The following ZFAND5 variants were observed in gnomAD, a reference collection of about 807,000 sequenced individuals.
The protein encoded by ZFAND5 is AN1-type zinc finger protein 5.
ZFAND5 carries 4 observed loss-of-function variants against 23.6 expected under a neutral mutation model. That is an observed-to-expected ratio of 0.17 (90% CI 0.08 to 0.39). The LOEUF is 0.39. Ranked by LOEUF, ZFAND5 falls within the 10% of genes least tolerant of loss-of-function variation. ZFAND5 has a pLI of 1.00. For synonymous variants in ZFAND5, 68 were observed against 80.6 expected (o/e 0.84, Z 0.84); for missense variants, 161 against 253.7 (o/e 0.63, Z 2.48).
Position 72,355,756 on chromosome 9 carries a change from C to T in ZFAND5, c.*197G>A, listed in dbSNP as rs868827085. On this transcript the variant is annotated 3_prime_UTR_variant, in exon 7 of 7. Coordinates refer to ENST00000376962, the MANE Select transcript of ZFAND5 (RefSeq NM_001102420.3). ...AATTTTTTTCAGGGGAGGGCATATA[C>T]ATTTGTAGGGCTGTATCTATCCAAT... 2.9e-5 allele frequency: 13 copies of T among 446,724 alleles called. No homozygotes were observed. In the South Asian group the frequency reaches 6.0e-4, roughly 21 times the overall value. 27.7% of individuals were successfully genotyped at this position (446,724 alleles called of 1,614,324 possible). A position where few individuals can be genotyped will look rare whatever the true frequency, so the allele number is the denominator to read the frequency against.
rs1462600937 is a variant in ZFAND5 at position 72,364,650 on chromosome 9, C to T, written c.-147+46G>A. The T allele has an allele frequency of 1.0e-5, 12 of 1,156,276 alleles. No homozygotes were observed. The African/African-American group carries it at 1.7e-4, about 16-fold the overall frequency. 71.6% of individuals were successfully genotyped at this position (1,156,276 alleles called of 1,614,324 possible). On this transcript the variant is annotated intron_variant, in intron 1 of 6. Coordinates refer to ENST00000376962, the MANE Select transcript of ZFAND5 (RefSeq NM_001102420.3). ...GGTCCCTTCACTCCCGCCCCCGGCC[C>T]GGCAACAAGGAGCCCGGCTCCCACC...
intron 6 of ZFAND5, 40 bp from the exon 7 acceptor site, chr9:72,356,141 G>A (rs1841935421): frequency 1.9e-6 from 3 of 1,575,000 alleles, no homozygotes; most frequent in Non-Finnish European, 2.6e-6. Flanking sequence ...AGAACTTGAG[G>A]CAATTAAAAG....
Position 72,353,953 on chromosome 9 carries a change from A to G in ZFAND5, c.*2000T>C, listed in dbSNP as rs985850151. On this transcript the variant is annotated 3_prime_UTR_variant, in exon 7 of 7. Transcript: ENST00000376962. ...GGGTATTTCCACCCCAAACTCCATCACAGAGAAGCAACAGTTGCACTCTGG... is the reference window on the plus strand; with the variant it reads ...GGGTATTTCCACCCCAAACTCCATCGCAGAGAAGCAACAGTTGCACTCTGG... The G allele has an allele frequency of 6.6e-6, 1 of 151,340 alleles. No homozygotes were observed. Among genetic ancestry groups the G allele is most frequent in the Non-Finnish European group, 1.5e-5 (1 of 67,590 alleles). 9.4% of individuals were successfully genotyped at this position (151,340 alleles called of 1,614,324 possible).
rs1342224099 is a variant in ZFAND5 at position 72,352,810 on chromosome 9, AAGTGTTG to A, written c.*3136_*3142del. ...AATACAATGTGCCAGGCACAGTTTT[AAGTGTTG>A]TCACCTTCACACTCCTGAAGGTGGT... On this transcript the variant is annotated 3_prime_UTR_variant, in exon 7 of 7. Transcript: ENST00000376962. 1 of 152,254 alleles carries A rather than the reference AAGTGTTG, an allele frequency of 6.6e-6. No individual in the cohort carries two copies. Among genetic ancestry groups the A allele is most frequent in the African/African-American group, 2.4e-5 (1 of 41,466 alleles). 9.4% of individuals were successfully genotyped at this position (152,254 alleles called of 1,614,324 possible).
At position 72,355,885 on chromosome 9, in the gene ZFAND5, GCT is replaced by G; in HGVS notation, c.*66_*67del. 6.9e-7 allele frequency: 1 copy of G among 1,455,648 alleles called. No individual in the cohort carries two copies. The highest frequency in any genetic ancestry group is 9.3e-7 in the Non-Finnish European group (1 of 1,075,486). 90.2% of individuals were successfully genotyped at this position (1,455,648 alleles called of 1,614,324 possible). On this transcript the variant is annotated 3_prime_UTR_variant, in exon 7 of 7. Coordinates refer to ENST00000376962, the MANE Select transcript of ZFAND5 (RefSeq NM_001102420.3). ...ATCAAAGAAAAATGGCCATGCATCT[GCT>G]CTTTAATGTTTTCCTACGATATATT...
rs945974119 is a variant in ZFAND5 at position 72,364,678 on chromosome 9, C to T, written c.-147+18G>A. ...CAACAAGGAGCCCGGCTCCCACCCG[C>T]AGCCCCGTATCACTCACCCTGCAGG... On this transcript the variant is annotated intron_variant, in intron 1 of 6. Transcript: ENST00000376962. 2 of 1,075,322 alleles carry T rather than the reference C, an allele frequency of 1.9e-6. No individual in the cohort carries two copies. The highest frequency in any genetic ancestry group is 1.8e-5 in the African/African-American group (1 of 56,754). The allele number at this position is 1,075,322 out of a possible 1,614,324, so 66.6% of individuals were successfully genotyped here.
intron 1 of ZFAND5, chr9:72,364,256 A>ACGCGGAT (rs1024922135): frequency 1.1e-4 from 46 of 406,788 alleles, no homozygotes; most frequent in South Asian, 7.4e-4. Context: ...TGCAGGCCCC[A>ACGCGGAT]CGCGGATCCC....
At chr9:72,361,920 A>G (rs1473455701) in intron 2 of ZFAND5, among the ~76,000 whole-genome samples, 3 of 152,232 alleles carry the variant, frequency 2.0e-5, no homozygotes, top group African/African-American at 4.8e-5. Flanking sequence ...ATTTTTTCCA[A>G]CTACATACTA....
rs1000686946 is a variant in ZFAND5 at position 72,354,384 on chromosome 9, T to G, written c.*1569A>C. 1 of 152,612 alleles carries G rather than the reference T, an allele frequency of 6.6e-6. No homozygotes were observed. 9.5% of individuals were successfully genotyped at this position (152,612 alleles called of 1,614,324 possible). ...CAAAGGAAAAAAAATTATATAGCCA[T>G]GTAAAGTAACATTTTCTAATTTTCC... On this transcript the variant is annotated 3_prime_UTR_variant, in exon 7 of 7. Transcript: ENST00000376962.
chr9:72,357,780 T>C (rs1309338048), intron 5 of ZFAND5, among the ~76,000 whole-genome samples: 1 of 152,104 alleles, frequency 6.6e-6, no homozygotes, highest in Non-Finnish European at 1.5e-5. Context: ...GCATCCACTA[T>C]CGACAGAGAT....
At chr9:72,357,251 T>G (rs1395834910) in intron 5 of ZFAND5, among the ~76,000 whole-genome samples, 195 bp from the exon 6 acceptor site, 3 of 152,178 alleles carry the variant, frequency 2.0e-5, no homozygotes, top group Non-Finnish European at 4.4e-5. Flanking sequence ...TTCCTGCCAA[T>G]CACCATACTA....
At chr9:72,358,553 A>G (rs1842007914) in intron 5 of ZFAND5, among the ~76,000 whole-genome samples, 1 of 152,156 alleles carries the variant, frequency 6.6e-6, no homozygotes, top group Non-Finnish European at 1.5e-5. Context: ...CAAAGGCATC[A>G]CGGGCAAACT....
chr9:72,354,843 T>C lies in ZFAND5; in HGVS notation c.*1110A>G, dbSNP rs1587867116. 4 of 152,702 alleles carry C rather than the reference T, an allele frequency of 2.6e-5. No homozygotes were observed. The highest frequency in any genetic ancestry group is 2.6e-4 in the Admixed American group (4 of 15,286). 9.5% of individuals were successfully genotyped at this position (152,702 alleles called of 1,614,324 possible). On this transcript the variant is annotated 3_prime_UTR_variant, in exon 7 of 7. Coordinates refer to ENST00000376962, the MANE Select transcript of ZFAND5 (RefSeq NM_001102420.3). ...CAGTGAAGTATACTGCCTTTTCTAG[T>C]TGTTATTGTACAATGCTGTAGATAA...
At chr9:72,357,577 G>A (rs934254674) in intron 5 of ZFAND5, among the ~76,000 whole-genome samples, 4 of 152,074 alleles carry the variant, frequency 2.6e-5, no homozygotes, top group Non-Finnish European at 5.9e-5. Context: ...ATCAACGTCA[G>A]ATCCAAAAAT....
chr9:72,363,985 G>GCACCAAA (rs1187088287), intron 1 of ZFAND5: 1 of 152,834 alleles, frequency 6.5e-6, no homozygotes, highest in Non-Finnish European at 1.5e-5. Flanking sequence ...CAGCCTAAAT[G>GCACCAAA]CACCAAACAA....
At chr9:72,358,588 C>T (rs1842008843) in intron 5 of ZFAND5, among the ~76,000 whole-genome samples, 1 of 152,052 alleles carries the variant, frequency 6.6e-6, no homozygotes, top group African/African-American at 2.4e-5. Context: ...AAGGATGGAG[C>T]TCATTTCAAA....
intron 3 of ZFAND5, 103 bp downstream of exon 3, chr9:72,360,525 G>C (rs1842068823): frequency 6.7e-7 from 1 of 1,482,502 alleles, no homozygotes; most frequent in East Asian, 2.3e-5. Flanking sequence ...GCTCTTATCA[G>C]GTGTTCTCTC....
In ZFAND5 at chr9:72,353,369, A is replaced by C. The variant is rs897806959; in HGVS notation, c.*2584T>G. 2.9e-5 allele frequency: 4 copies of C among 138,188 alleles called. No homozygotes were observed. Among genetic ancestry groups the C allele is most frequent in the African/African-American group, 1.0e-4 (4 of 38,738 alleles). The allele number at this position is 138,188 out of a possible 1,614,324, so 8.6% of individuals were successfully genotyped here. On this transcript the variant is annotated 3_prime_UTR_variant, in exon 7 of 7. Coordinates refer to ENST00000376962, the MANE Select transcript of ZFAND5 (RefSeq NM_001102420.3). ...AATGTTTCTTGTAAAACAAACAAACAAAAAAAAAACAAAAAAAACTGATTG... is the reference window on the plus strand; with the variant it reads ...AATGTTTCTTGTAAAACAAACAAACCAAAAAAAAACAAAAAAAACTGATTG...
chr9:72,357,741 A>G (rs546547994), intron 5 of ZFAND5, among the ~76,000 whole-genome samples: 29 of 152,252 alleles, frequency 1.9e-4, no homozygotes, highest in Admixed American at 3.9e-4. Context: ...AGGATTCCAC[A>G]GGCAGAACAA....
Sources: allele counts gnomAD v4.1 joint callset (sites outside exome capture counted in the v4.1 genomes callset), GRCh38; gene constraint gnomAD v4.1.1; transcripts MANE v1.5; gene names NCBI Gene and HGNC (gene_info 2026-07-23, HGNC 2026-07-21).